Variants in SLC6A6 observed in about 807,000 individuals in gnomAD.
The protein encoded by SLC6A6 is solute carrier family 6 member 6.
Under a neutral mutation model 68.8 loss-of-function variants are expected in SLC6A6, and 16 were observed. The observed-to-expected ratio is 0.23, with a 90% CI of 0.16 to 0.35. The LOEUF (loss-of-function observed/expected upper bound fraction) is 0.35, where lower values mean the gene tolerates loss of function less well. Among genes scored for constraint, SLC6A6 ranks in the 10% least tolerant of loss-of-function variants. The pLI is 1.00. For synonymous variants in SLC6A6, 312 were observed against 315.4 expected, an observed-to-expected ratio of 0.99 and a Z score of 0.12; for missense variants, 474 against 802.8, an observed-to-expected ratio of 0.59 and a Z score of 4.95.
At chr3:14,482,297 G>A (rs957571507) in intron 14 of SLC6A6, among the ~76,000 whole-genome samples, 2 of 152,182 alleles carry the variant, frequency 1.3e-5, no homozygotes, top group Admixed American at 6.5e-5. Context: ...TTCTTTTATT[G>A]AGGAGCCAAA....
chr3:14,431,659 AG>A (rs1325519301), intron 2 of SLC6A6, among the ~76,000 whole-genome samples: 1 of 152,184 alleles, frequency 6.6e-6, no homozygotes, highest in African/African-American at 2.4e-5. Context: ...TAAGTAGAGC[AG>A]GCACCTGTGC....
At chr3:14,471,461 C>A (rs1192606843) in intron 9 of SLC6A6, among the ~76,000 whole-genome samples, 2 of 152,208 alleles carry the variant, frequency 1.3e-5, no homozygotes, top group East Asian at 3.9e-4. Flanking sequence ...TTTATGGCCA[C>A]CTGCCCCTCA....
chr3:14,473,479 G>T (rs185611071), intron 10 of SLC6A6, among the ~76,000 whole-genome samples: 1 of 152,198 alleles, frequency 6.6e-6, no homozygotes, highest in African/African-American at 2.4e-5. Flanking sequence ...CCCCCTCCCC[G>T]CGGGCCGAAG....
At chr3:14,457,678 G>C (rs1164458174) in intron 5 of SLC6A6, among the ~76,000 whole-genome samples, 4 of 152,236 alleles carry the variant, frequency 2.6e-5, no homozygotes, top group East Asian at 3.8e-4. Flanking sequence ...TGAGGAAACT[G>C]AGGCTCAGGG....
chr3:14,417,350 C>A (rs185853396), intron 2 of SLC6A6, among the ~76,000 whole-genome samples: 134 of 152,284 alleles, frequency 8.8e-4, no homozygotes, highest in African/African-American at 2.6e-3. Context: ...AAAACAGTCA[C>A]GTGAACATTC....
intron 4 of SLC6A6, 32 bp from the exon 5 acceptor site, chr3:14,447,550 A>G: frequency 6.2e-7 from 1 of 1,612,416 alleles, no homozygotes; most frequent in Non-Finnish European, 8.5e-7. Flanking sequence ...CCTCCCTCAG[A>G]TGTTTACTCA....
At chr3:14,451,156 C>G (rs1700242921) in intron 5 of SLC6A6, among the ~76,000 whole-genome samples, 1 of 152,246 alleles carries the variant, frequency 6.6e-6, no homozygotes, top group Admixed American at 6.5e-5. Context: ...TCAGAACCCT[C>G]TCATGGCTTT....
chr3:14,413,764 G>A (rs1435645933), intron 1 of SLC6A6, among the ~76,000 whole-genome samples: 1 of 152,144 alleles, frequency 6.6e-6, no homozygotes, highest in African/African-American at 2.4e-5. Flanking sequence ...TAGAGTGCCA[G>A]GGCTGCGGGA....
intron 2 of SLC6A6, among the ~76,000 whole-genome samples, chr3:14,439,618 G>T (rs1699935838): frequency 6.6e-6 from 1 of 152,208 alleles, no homozygotes; most frequent in South Asian, 2.1e-4. Flanking sequence ...TCTTAAAATG[G>T]GGAATTATGT....
At chr3:14,425,373 C>G (rs1052439860) in intron 2 of SLC6A6, among the ~76,000 whole-genome samples, 4 of 152,164 alleles carry the variant, frequency 2.6e-5, no homozygotes, top group Non-Finnish European at 4.4e-5. Context: ...GCTGCCTGCA[C>G]TGGGAATACA....
intron 14 of SLC6A6, 133 bp from the exon 15 acceptor site, chr3:14,484,734 A>C: frequency 1.2e-6 from 1 of 808,608 alleles, no homozygotes; most frequent in Middle Eastern, 3.7e-4. Flanking sequence ...CAAAAACAGG[A>C]GATCAGAGAG....
chr3:14,407,510 CTTTT>C (rs55889836), intron 1 of SLC6A6, among the ~76,000 whole-genome samples: 1 of 137,488 alleles, frequency 7.3e-6, no homozygotes, highest in Non-Finnish European at 1.6e-5. Context: ...TTTTCTTTTT[CTTTT>C]TTTTTTTTTT....
chr3:14,468,708 G>C lies in SLC6A6; in HGVS notation c.1096+496G>C, dbSNP rs184480824. The stretch of plus-strand genomic sequence containing the variant: ...TCCCAACTCTGTGTCAGGCACCACC[G>C]TAGGCACTGGGTGCAGTGTGTGGGG... On this transcript the variant is annotated intron_variant, in intron 9 of 14. Transcript: ENST00000622186. The surrounding 1 kb of genome is among the most constrained non-coding windows in gnomAD (Gnocchi z 4.5). Among the ~76,000 whole-genome samples the C allele has an allele frequency of 1.3e-5, 2 of 152,286 alleles. No individual in the cohort carries two copies. The highest frequency in any genetic ancestry group is 4.8e-5 in the African/African-American group (2 of 41,562).
chr3:14,480,829 A>G (rs944747914), intron 13 of SLC6A6, among the ~76,000 whole-genome samples: 1 of 152,224 alleles, frequency 6.6e-6, no homozygotes, highest in Non-Finnish European at 1.5e-5. Flanking sequence ...TCACAGGGAA[A>G]GGTGGGCTTT....
chr3:14,477,222 A>G lies in SLC6A6; in HGVS notation c.1227A>G (p.Gly409=), dbSNP rs1243518714. 1 of 1,613,534 alleles carries G rather than the reference A, an allele frequency of 6.2e-7. No homozygotes were observed. The highest frequency in any genetic ancestry group is 8.5e-7 in the Non-Finnish European group (1 of 1,179,804). Residue 409 remains glycine, a synonymous_variant, in exon 11 of 15, where the codon GGA becomes GGG. Coordinates refer to ENST00000622186, the MANE Select transcript of SLC6A6 (RefSeq NM_003043.6). This position sits in a 1 kb window ranked among gnomAD's most constrained non-coding sequence, Gnocchi z 4.2. ...GLDSQFVEVE[G]QITSLVDLYP... Reference sequence around the variant, plus strand: ...CTCCTCAGTTTGTTGAAGTTGAAGGACAGATCACATCCTTGGTTGATCTTT... The same window carrying G: ...CTCCTCAGTTTGTTGAAGTTGAAGGGCAGATCACATCCTTGGTTGATCTTT...
chr3:14,482,448 G>A (rs1025015358), intron 14 of SLC6A6, among the ~76,000 whole-genome samples: 3 of 152,252 alleles, frequency 2.0e-5, no homozygotes, highest in African/African-American at 7.2e-5. Flanking sequence ...CAGCCCTGGA[G>A]ATCCCAGGCC....
At chr3:14,429,224 C>T (rs1290687197) in intron 2 of SLC6A6, among the ~76,000 whole-genome samples, 5 of 152,244 alleles carry the variant, frequency 3.3e-5, no homozygotes, top group African/African-American at 1.2e-4. Flanking sequence ...CCTGGGTCCA[C>T]ATCTGGGCTC....
intron 1 of SLC6A6, among the ~76,000 whole-genome samples, chr3:14,408,610 C>T (rs1416534518): frequency 6.6e-6 from 1 of 152,156 alleles, no homozygotes; most frequent in Non-Finnish European, 1.5e-5. Context: ...GCTGGGCAGT[C>T]TATCATATCT....
At chr3:14,437,298 C>T (rs927050789) in intron 2 of SLC6A6, among the ~76,000 whole-genome samples, 3 of 151,868 alleles carry the variant, frequency 2.0e-5, no homozygotes, top group African/African-American at 4.8e-5. Flanking sequence ...CGCTCTGTCA[C>T]CCAGGCTGGA....
Sources: gnomAD v4.1 joint callset for allele counts (sites outside exome capture counted in the v4.1 genomes callset) on GRCh38, gnomAD v4.1.1 for gene constraint, Gnocchi (gnomAD v3.1) non-coding constraint, MANE v1.5 for transcripts, NCBI Gene and HGNC (gene_info 2026-07-23, HGNC 2026-07-21) for gene names.